The following GPR161 variants were observed in gnomAD, a reference collection of about 807,000 sequenced individuals.
GPR161 encodes G-protein coupled receptor RE2.
In GPR161, 25 loss-of-function variants were observed where a neutral mutation model predicts 39.2. The ratio of observed to expected loss-of-function variants is 0.64; its 90% CI spans 0.47 to 0.89. GPR161 has a LOEUF of 0.89. Among genes scored for constraint, GPR161 ranks in the 40% least tolerant of loss-of-function variants. The pLI is 0.00. For synonymous variants in GPR161, 286 were observed against 276.6 expected, an observed-to-expected ratio of 1.03 and a Z score of -0.34; for missense variants, 547 against 677.8, an observed-to-expected ratio of 0.81 and a Z score of 2.14.
intron 3 of GPR161, among the ~76,000 whole-genome samples, chr1:168,092,266 TG>T (rs887505192): frequency 3.3e-5 from 5 of 152,142 alleles, no homozygotes; most frequent in Non-Finnish European, 7.4e-5. Flanking sequence ...GCAGAGCCTG[TG>T]GGGGCATCTC....
chr1:168,089,046 C>G (rs1264261067), intron 4 of GPR161: 2 of 152,140 alleles, frequency 1.3e-5, no homozygotes, highest in African/African-American at 4.8e-5. Flanking sequence ...GTATACAATT[C>G]AATGAGAATT....
At chr1:168,132,189 C>T (rs527794829) in intron 1 of GPR161, among the ~76,000 whole-genome samples, 101 of 152,044 alleles carry the variant, frequency 6.6e-4, no homozygotes, top group Non-Finnish European at 1.2e-3. Flanking sequence ...CACTTGAACC[C>T]AGGAGGTGGA....
intron 1 of GPR161, among the ~76,000 whole-genome samples, chr1:168,113,065 A>G (rs2102205074): frequency 6.6e-6 from 1 of 152,326 alleles, no homozygotes; most frequent in South Asian, 2.1e-4. Context: ...TGTATCTTTA[A>G]AGAACAAGAG....
intron 1 of GPR161, among the ~76,000 whole-genome samples, chr1:168,111,949 G>A (rs1697207789): frequency 6.9e-6 from 1 of 144,774 alleles, no homozygotes; most frequent in Non-Finnish European, 1.5e-5. Flanking sequence ...GAGATAAATA[G>A]TAGACTCTTC....
intron 2 of GPR161, among the ~76,000 whole-genome samples, chr1:168,102,914 A>T (rs6659593): frequency 0.36 from 54,137 of 150,742 alleles, 9,879 homozygotes; most frequent in Admixed American, 0.47. Context: ...CTTTTTTTTA[A>T]AAAAAAATTA....
At chr1:168,095,165 G>C (rs275158) in intron 3 of GPR161, among the ~76,000 whole-genome samples, 23,777 of 152,208 alleles carry the variant, frequency 0.16, 2,560 homozygotes, top group African/African-American at 0.31. Flanking sequence ...TTAAGGGGCA[G>C]TCTACAAAAT....
rs1203770391 is a variant in GPR161 at position 168,088,821 on chromosome 1, T to TC, written c.1205-1118dup. On this transcript the variant is annotated intron_variant, in intron 4 of 5. Transcript: ENST00000682931. ...GCTCTTTCTTCTGCCTACAGTGCTGTCCCCTCACTCCTTGCGCCGGGGCAC... is the reference window on the plus strand; with the variant it reads ...GCTCTTTCTTCTGCCTACAGTGCTGTCCCCCTCACTCCTTGCGCCGGGGCAC... The TC allele has an allele frequency of 2.6e-5, 4 of 152,170 alleles. 1 individual carries two copies. Among genetic ancestry groups the TC allele is most frequent in the Admixed American group, 2.6e-4 (4 of 15,272 alleles). 9.4% of individuals were successfully genotyped at this position (152,170 alleles called of 1,614,324 possible).
At chr1:168,100,666 G>A (rs184145186) in intron 2 of GPR161, among the ~76,000 whole-genome samples, 1 of 152,172 alleles carries the variant, frequency 6.6e-6, no homozygotes, top group Non-Finnish European at 1.5e-5. Flanking sequence ...CAGAATCTAA[G>A]CCAATTTCAC....
At chr1:168,132,404 G>A (rs372426512) in intron 1 of GPR161, among the ~76,000 whole-genome samples, 1,627 of 151,610 alleles carry the variant, frequency 0.011, 21 homozygotes, top group Non-Finnish European at 0.019. Context: ...TGGCTAACAC[G>A]GTGAAACCCC....
At chr1:168,136,423 C>A (rs933821546) in intron 1 of GPR161, 1 of 1,351,782 alleles carries the variant, frequency 7.4e-7, no homozygotes, top group Non-Finnish European at 9.5e-7. Flanking sequence ...GGGCTTCGGG[C>A]GGCGCCGGAG....
chr1:168,134,306 T>C (rs970337830), intron 1 of GPR161, among the ~76,000 whole-genome samples: 2 of 152,236 alleles, frequency 1.3e-5, no homozygotes, highest in Non-Finnish European at 2.9e-5. Flanking sequence ...CCATGAATGC[T>C]ATCCTCTCCC....
chr1:168,128,224 A>T (rs929312109), intron 1 of GPR161, among the ~76,000 whole-genome samples: 6 of 152,280 alleles, frequency 3.9e-5, no homozygotes, highest in South Asian at 2.1e-4. Context: ...TTAGCTGGGG[A>T]GGGTCTGAAA....
chr1:168,100,922 C>T (rs1442953580), intron 2 of GPR161, among the ~76,000 whole-genome samples: 6 of 152,162 alleles, frequency 3.9e-5, no homozygotes, highest in Non-Finnish European at 7.3e-5. Context: ...AAGTAATGGA[C>T]GTTCACAGTG....
chr1:168,125,068 A>G (rs1316555743), intron 1 of GPR161, among the ~76,000 whole-genome samples: 1 of 152,244 alleles, frequency 6.6e-6, no homozygotes, highest in African/African-American at 2.4e-5. Flanking sequence ...TGTGTATTGC[A>G]TATTCTCTGT....
In GPR161 at chr1:168,090,658, C is replaced by G. The variant is rs926482557; in HGVS notation, c.1110G>C (p.Leu370=). ...CCATGAGCGCAGTGAGGTGTGGGGA[C>G]AGGCCCAGGTCTGAAAGACAAAATT... The part of the protein sequence containing the change: ...SISNRITDLG[L]SPHLTALMAG... Residue 370 remains leucine, a synonymous_variant, in exon 4 of 6, where the codon CTG becomes CTC. Transcript: ENST00000682931. The G allele has an allele frequency of 6.2e-7, 1 of 1,605,482 alleles. No individual in the cohort carries two copies. Among genetic ancestry groups the G allele is most frequent in the Non-Finnish European group, 8.5e-7 (1 of 1,173,456 alleles).
In GPR161 at chr1:168,119,257, CGT is replaced by C. The variant is rs376074318; in HGVS notation, c.-44-14365_-44-14364del. The stretch of plus-strand genomic sequence containing the variant: ...ATATATATATACACATATATATATA[CGT>C]ATATATATGTGTATATATATATATA... On this transcript the variant is annotated intron_variant, in intron 1 of 5. Transcript: ENST00000682931. 8.0e-3 allele frequency among the ~76,000 whole-genome samples: 770 copies of C among 96,332 alleles called. 8 individuals carry two copies. The highest frequency in any genetic ancestry group is 0.016 in the Middle Eastern group (3 of 182). 63.2% of individuals were successfully genotyped at this position (96,332 alleles called of 152,430 possible).
chr1:168,119,252 A>ATG (rs1697934970), intron 1 of GPR161, among the ~76,000 whole-genome samples: 5 of 119,914 alleles, frequency 4.2e-5, no homozygotes, highest in African/African-American at 1.4e-4. Flanking sequence ...ACACATATAT[A>ATG]TATACGTATA....
intron 3 of GPR161, among the ~76,000 whole-genome samples, chr1:168,092,686 T>C (rs147437268): frequency 3.9e-5 from 6 of 152,226 alleles, no homozygotes; most frequent in East Asian, 1.9e-4. Context: ...TGCAGGTACT[T>C]TGAGCTAACT....
At chr1:168,137,438 A>G (rs1312612929), upstream of GPR161, 6 of 1,511,488 alleles carry the variant, frequency 4.0e-6, no homozygotes, top group Admixed American at 7.9e-5. Context: ...GCCTTCTGCC[A>G]GGCTCTGTCC....
Sources: gnomAD v4.1 joint callset for allele counts (sites outside exome capture counted in the v4.1 genomes callset) on GRCh38, gnomAD v4.1.1 for gene constraint, MANE v1.5 for transcripts, NCBI Gene and HGNC (gene_info 2026-07-23, HGNC 2026-07-21) for gene names.